NTN1: variants seen among roughly 807,000 people sequenced by gnomAD.
The protein encoded by NTN1 is netrin 1.
In NTN1, 11 loss-of-function variants were observed where a neutral mutation model predicts 54.2. The observed-to-expected ratio is 0.20, with a 90% CI of 0.13 to 0.34. The LOEUF is 0.34. Ranked by LOEUF, NTN1 falls within the 10% of genes least tolerant of loss-of-function variation. The pLI is 1.00. For synonymous variants in NTN1, 371 were observed against 382.0 expected (o/e 0.97, Z 0.33); for missense variants, 740 against 893.1 (o/e 0.83, Z 2.18).
intron 2 of NTN1, among the ~76,000 whole-genome samples, chr17:9,048,635 C>A (rs2091948949): frequency 6.6e-6 from 1 of 151,892 alleles, no homozygotes; most frequent in African/African-American, 2.4e-5. Context: ...CACTGAAAAT[C>A]TGTTGTGTAG....
At chr17:9,098,789 C>T (rs1256754694) in intron 2 of NTN1, among the ~76,000 whole-genome samples, 2 of 152,118 alleles carry the variant, frequency 1.3e-5, no homozygotes, top group African/African-American at 4.8e-5. Flanking sequence ...TCTCACTTCT[C>T]CATTGGCCAG....
intron 5 of NTN1, among the ~76,000 whole-genome samples, chr17:9,199,288 AC>A (rs1351619720): frequency 6.6e-6 from 1 of 152,148 alleles, no homozygotes; most frequent in Non-Finnish European, 1.5e-5. Context: ...GATTACAGGC[AC>A]CCACCACCAC....
chr17:9,145,574 C>T (rs1314423516), intron 2 of NTN1, among the ~76,000 whole-genome samples: 2 of 152,088 alleles, frequency 1.3e-5, no homozygotes, highest in Non-Finnish European at 2.9e-5. Flanking sequence ...GCCAGGGTCT[C>T]GACATTATTT....
At chr17:9,054,292 A>G in intron 2 of NTN1, among the ~76,000 whole-genome samples, 1 of 152,292 alleles carries the variant, frequency 6.6e-6, no homozygotes, top group Non-Finnish European at 1.5e-5. Flanking sequence ...CGAGATGTTA[A>G]CTTCAGGAGG....
intron 2 of NTN1, among the ~76,000 whole-genome samples, chr17:9,080,740 A>G (rs1414663827): frequency 6.6e-6 from 1 of 152,152 alleles, no homozygotes; most frequent in African/African-American, 2.4e-5. Flanking sequence ...GGTTGGGCTG[A>G]TCACCCGTGG....
rs571012859 is a variant in NTN1 at position 9,089,669 on chromosome 17, C to T, written c.1018+66278C>T. Among the ~76,000 whole-genome samples, 13 of 152,286 alleles carry T rather than the reference C, an allele frequency of 8.5e-5. No homozygotes were observed. In the East Asian group the frequency reaches 2.3e-3, roughly 27 times the overall value. ...TGCTTCCCCTGCCTGCAAAAACCACCTTGAACGTGATGGGTGCTTTCGGAC... is the reference window on the plus strand; with the variant it reads ...TGCTTCCCCTGCCTGCAAAAACCACTTTGAACGTGATGGGTGCTTTCGGAC... On this transcript the variant is annotated intron_variant, in intron 2 of 6. Transcript: ENST00000173229.
At chr17:9,192,181 G>A (rs1285282005) in intron 5 of NTN1, among the ~76,000 whole-genome samples, 1 of 152,198 alleles carries the variant, frequency 6.6e-6, no homozygotes, top group Non-Finnish European at 1.5e-5. Flanking sequence ...TAGGAATTTA[G>A]CCAAAGGAAA....
At chr17:9,071,279 C>T (rs1445408881) in intron 2 of NTN1, among the ~76,000 whole-genome samples, 1 of 152,078 alleles carries the variant, frequency 6.6e-6, no homozygotes, top group Non-Finnish European at 1.5e-5. Flanking sequence ...GATTTTCTTC[C>T]ATGTTTCTCA....
intron 2 of NTN1, among the ~76,000 whole-genome samples, chr17:9,137,511 G>A (rs1198306590): frequency 3.3e-5 from 5 of 152,192 alleles, no homozygotes; most frequent in Non-Finnish European, 7.3e-5. Context: ...GTTGACCGGC[G>A]GCCTGGCACA....
At chr17:9,049,816 C>T (rs552836852) in intron 2 of NTN1, among the ~76,000 whole-genome samples, 27 of 152,160 alleles carry the variant, frequency 1.8e-4, no homozygotes, top group African/African-American at 6.0e-4. Flanking sequence ...GCACCCATTT[C>T]GATTTTCGGG....
At chr17:9,042,113 C>A (rs932911508) in intron 2 of NTN1, among the ~76,000 whole-genome samples, 5 of 152,050 alleles carry the variant, frequency 3.3e-5, no homozygotes, top group South Asian at 2.1e-4. Flanking sequence ...AACCCACCAG[C>A]AACATATGGG....
At chr17:9,090,426 G>T (rs1180101538) in intron 2 of NTN1, among the ~76,000 whole-genome samples, 1 of 151,980 alleles carries the variant, frequency 6.6e-6, no homozygotes, top group African/African-American at 2.4e-5. Flanking sequence ...CGCCTGCCTC[G>T]GCCTCCCAGA....
chr17:9,069,575 G>A (rs2092026318), intron 2 of NTN1, among the ~76,000 whole-genome samples: 2 of 152,204 alleles, frequency 1.3e-5, no homozygotes, highest in Non-Finnish European at 2.9e-5. Context: ...TGAATTTTCT[G>A]AGCAGCTTTC....
Position 9,058,035 on chromosome 17 carries a change from A to G in NTN1, c.1018+34644A>G, listed in dbSNP as rs138515475. On this transcript the variant is annotated intron_variant, in intron 2 of 6. Coordinates refer to ENST00000173229, the MANE Select transcript of NTN1 (RefSeq NM_004822.3). ...CCCGAGTAGCTGGGACTACAGGCAC[A>G]TGCCACCATGCCTGGCTAATTTTTT... Among the ~76,000 whole-genome samples, 946 of 152,172 alleles carry G rather than the reference A, an allele frequency of 6.2e-3. 14 individuals carry two copies. The highest frequency in any genetic ancestry group is 0.021 in the African/African-American group (889 of 41,506).
intron 2 of NTN1, among the ~76,000 whole-genome samples, chr17:9,118,689 C>T (rs185662994): frequency 4.0e-5 from 6 of 151,158 alleles, no homozygotes; most frequent in Admixed American, 2.0e-4. Context: ...GCTCTACTTT[C>T]GGTCTGCCTG....
intron 2 of NTN1, among the ~76,000 whole-genome samples, chr17:9,161,492 G>A (rs1418666372): frequency 6.6e-6 from 1 of 152,038 alleles, no homozygotes; most frequent in Non-Finnish European, 1.5e-5. Context: ...TAGAAATCCT[G>A]CTCTGGGCTG....
intron 5 of NTN1, among the ~76,000 whole-genome samples, chr17:9,218,828 G>A (rs969789538): frequency 6.6e-6 from 1 of 152,028 alleles, no homozygotes; most frequent in African/African-American, 2.4e-5. Context: ...ATGGAGAGGT[G>A]CGCCTTGGCC....
chr17:9,155,347 T>G (rs1285445632), intron 2 of NTN1, among the ~76,000 whole-genome samples: 2 of 20,732 alleles, frequency 9.6e-5, no homozygotes, highest in Non-Finnish European at 2.4e-4. Context: ...TTCTTTTTTG[T>G]TTTTTTTTTT....
intron 5 of NTN1, among the ~76,000 whole-genome samples, chr17:9,186,970 G>A (rs1014346803): frequency 3.9e-5 from 6 of 152,162 alleles, no homozygotes; most frequent in African/African-American, 1.2e-4. Flanking sequence ...ATGGGCACCT[G>A]AGGGCTACTT....
Sources: allele counts gnomAD v4.1 joint callset (sites outside exome capture counted in the v4.1 genomes callset), GRCh38; gene constraint gnomAD v4.1.1; transcripts MANE v1.5; gene names NCBI Gene and HGNC (gene_info 2026-07-23, HGNC 2026-07-21).